The following MSN variants were observed in gnomAD, a reference collection of about 807,000 sequenced individuals.
MSN encodes moesin, also known as epididymis luminal protein 70.
MSN carries 2 observed loss-of-function variants against 48.0 expected under a neutral mutation model. The ratio of observed to expected loss-of-function variants is 0.04; its 90% CI spans 0.02 to 0.13. The LOEUF is 0.13. Ranked by LOEUF, MSN falls within the 10% of genes least tolerant of loss-of-function variation. The pLI is 1.00. For synonymous variants in MSN, 146 were observed against 166.9 expected (o/e 0.87, Z 0.97); for missense variants, 267 against 470.1 (o/e 0.57, Z 3.99).
intron 1 of MSN, among the ~76,000 whole-genome samples, chrX:65,636,364 C>T (rs1423451591): frequency 8.9e-6 from 1 of 111,765 alleles, no homozygotes; most frequent in African/African-American, 3.3e-5. Context: ...CTCTCTACCA[C>T]TCTCCCAAAC....
chrX:65,725,206 C>T (rs1411680708), intron 2 of MSN, among the ~76,000 whole-genome samples: 1 of 111,758 alleles, frequency 8.9e-6, no homozygotes, highest in African/African-American at 3.3e-5. Flanking sequence ...TCATTACATA[C>T]TACCTCTTAA....
chrX:65,613,170 CCAGCTTCAT>C (rs2070336232), intron 1 of MSN, among the ~76,000 whole-genome samples: 2 of 112,796 alleles, frequency 1.8e-5, no homozygotes, highest in African/African-American at 6.4e-5. Context: ...ATGATGGTTT[CCAGCTTCAT>C]CTATGCCCCT....
At chrX:65,699,894 C>T (rs749115252) in intron 1 of MSN, among the ~76,000 whole-genome samples, 2 of 111,158 alleles carry the variant, frequency 1.8e-5, no homozygotes, top group East Asian at 5.6e-4. Flanking sequence ...CTATTTCTTT[C>T]ACACTTGAGC....
intron 1 of MSN, among the ~76,000 whole-genome samples, chrX:65,619,300 T>A (rs2148359116): frequency 9.8e-6 from 1 of 101,986 alleles, no homozygotes; most frequent in South Asian, 4.0e-4. Flanking sequence ...TCCTGCAGAG[T>A]GTTTTCCAAC....
rs2071732479 is a variant in MSN at position 65,741,177 on chromosome X, G to A, written c.*1284G>A. The A allele has an allele frequency of 5.8e-6, 1 of 171,376 alleles. No homozygotes were observed. The highest frequency in any genetic ancestry group is 1.1e-5 in the Non-Finnish European group (1 of 88,952). The allele number at this position is 171,376 out of a possible 1,213,427, so 14.1% of individuals were successfully genotyped here. On this transcript the variant is annotated 3_prime_UTR_variant, in exon 13 of 13. Coordinates refer to ENST00000360270, the MANE Select transcript of MSN (RefSeq NM_002444.3). ...GTCCCTTGGAGCTGTAAACCAGAGA[G>A]CTGCTGGGGATTCTGGCCTAGTCCC...
chrX:65,721,360 A>C lies in MSN; in HGVS notation c.96+4459A>C, dbSNP rs765139021. On this transcript the variant is annotated intron_variant, in intron 2 of 12. Transcript: ENST00000360270. ...GTAAAATGATAATCATGCTAATCTC[A>C]GATTTTGTGATTTAATCCTCAAATA... 2.1e-3 allele frequency among the ~76,000 whole-genome samples: 238 copies of C among 111,890 alleles called. 1 individual carries two copies. The highest frequency in any genetic ancestry group is 4.0e-3 in the Non-Finnish European group (212 of 53,143).
At chrX:65,617,990 G>A (rs1264505490) in intron 1 of MSN, among the ~76,000 whole-genome samples, 2 of 108,681 alleles carry the variant, frequency 1.8e-5, no homozygotes, top group Admixed American at 2.0e-4. Flanking sequence ...GGAGCAGGTT[G>A]TTCAGTTTCC....
intron 1 of MSN, among the ~76,000 whole-genome samples, chrX:65,670,939 T>C (rs2070933176): frequency 3.1e-5 from 2 of 64,186 alleles, no homozygotes; most frequent in Non-Finnish European, 5.8e-5. Context: ...TATATATATA[T>C]ATATATATAT....
Position 65,741,396 on chromosome X carries a change from C to T in MSN, c.*1503C>T, listed in dbSNP as rs1057502611. The T allele has an allele frequency of 6.0e-6, 1 of 167,848 alleles. No homozygotes were observed. Among genetic ancestry groups the T allele is most frequent in the African/African-American group, 3.0e-5 (1 of 33,332 alleles). The allele number at this position is 167,848 out of a possible 1,213,427, so 13.8% of individuals were successfully genotyped here. A position where few individuals can be genotyped will look rare whatever the true frequency, so the allele number is the denominator to read the frequency against. ...GATTTTGGCCTCATTACTTTACCAC[C>T]CCCACACCTGGAAAGCATATACTAT... On this transcript the variant is annotated 3_prime_UTR_variant, in exon 13 of 13. Coordinates refer to ENST00000360270, the MANE Select transcript of MSN (RefSeq NM_002444.3).
exon 1 of MSN, chrX:65,588,440 C>G: frequency 2.2e-6 from 1 of 451,538 alleles, no homozygotes; most frequent in Non-Finnish European, 2.9e-6. Flanking sequence ...CTATCTCTTC[C>G]CTGAGCACAC....
At chrX:65,607,737 C>A (rs1390513207) in intron 1 of MSN, among the ~76,000 whole-genome samples, 1 of 111,092 alleles carries the variant, frequency 9.0e-6, no homozygotes, top group Non-Finnish European at 1.9e-5. Context: ...GCCCTCACTT[C>A]CAATTCTGCC....
At chrX:65,666,339 A>G (rs2070869665), upstream of MSN, among the ~76,000 whole-genome samples, 3 of 104,254 alleles carry the variant, frequency 2.9e-5, no homozygotes, top group Non-Finnish European at 5.9e-5. Context: ...TATTATTATT[A>G]TTTTTGAGAC....
chrX:65,620,365 G>T (rs1321486002), intron 1 of MSN, among the ~76,000 whole-genome samples: 2 of 113,341 alleles, frequency 1.8e-5, no homozygotes, highest in Non-Finnish European at 1.9e-5. Context: ...GTGAGACTCC[G>T]TGGGCGCAGG....
At chrX:65,630,544 G>C (rs73629463) in intron 1 of MSN, among the ~76,000 whole-genome samples, 1 of 111,164 alleles carries the variant, frequency 9.0e-6, no homozygotes, top group Non-Finnish European at 1.9e-5. Flanking sequence ...AACTATGATC[G>C]TGCCGCTGCA....
At chrX:65,657,510 T>C (rs1212091315) in intron 1 of MSN, among the ~76,000 whole-genome samples, 2 of 111,668 alleles carry the variant, frequency 1.8e-5, no homozygotes, top group African/African-American at 6.5e-5. Flanking sequence ...CAATTTCATA[T>C]TCCAAGAGGA....
At chrX:65,649,259 G>GTA (rs59584763) in intron 1 of MSN, among the ~76,000 whole-genome samples, 1,331 of 97,896 alleles carry the variant, frequency 0.014, 5 homozygotes, top group Middle Eastern at 0.02. Context: ...ATATATATAT[G>GTA]TATATATATA....
intron 1 of MSN, among the ~76,000 whole-genome samples, chrX:65,620,441 G>T (rs779182586): frequency 8.8e-6 from 1 of 113,997 alleles, no homozygotes; most frequent in African/African-American, 3.2e-5. Flanking sequence ...TCGGAAAAGC[G>T]CAGTATTCGG....
chrX:65,730,382 T>C (rs1404097371), intron 4 of MSN, among the ~76,000 whole-genome samples: 1 of 111,750 alleles, frequency 8.9e-6, no homozygotes, highest in Non-Finnish European at 1.9e-5. Flanking sequence ...ACTAAGTTTT[T>C]TCCTACTATA....
rs2071719588 is a variant in MSN at position 65,740,008 on chromosome X, C to G, written c.*115C>G. Reference sequence around the variant, plus strand: ...CCACTAACTAGAGCAGCCCTGGAGTCATGCCAAGCATTTAATGTAGCCATG... The same window carrying G: ...CCACTAACTAGAGCAGCCCTGGAGTGATGCCAAGCATTTAATGTAGCCATG... On this transcript the variant is annotated 3_prime_UTR_variant, in exon 13 of 13. Coordinates refer to ENST00000360270, the MANE Select transcript of MSN (RefSeq NM_002444.3). The G allele has an allele frequency of 1.2e-6, 1 of 827,164 alleles. No individual in the cohort carries two copies. The highest frequency in any genetic ancestry group is 1.7e-6 in the Non-Finnish European group (1 of 599,557). The allele number at this position is 827,164 out of a possible 1,213,427, so 68.2% of individuals were successfully genotyped here. A position where few individuals can be genotyped will look rare whatever the true frequency, so the allele number is the denominator to read the frequency against.
Sources: gnomAD v4.1 joint callset for allele counts (sites outside exome capture counted in the v4.1 genomes callset) on GRCh38, gnomAD v4.1.1 for gene constraint, MANE v1.5 for transcripts, NCBI Gene and HGNC (gene_info 2026-07-23, HGNC 2026-07-21) for gene names.